The following CPQ variants were observed in gnomAD, a reference collection of about 807,000 sequenced individuals.
CPQ encodes carboxypeptidase Q.
Under a neutral mutation model 45.7 loss-of-function variants are expected in CPQ, and 37 were observed. The observed-to-expected ratio is 0.81, with a 90% confidence interval of 0.62 to 1.07. The LOEUF (loss-of-function observed/expected upper bound fraction) is 1.07, where lower values mean the gene tolerates loss of function less well. Ranked by LOEUF, CPQ falls within the 50% of genes least tolerant of loss-of-function variation. The probability of loss-of-function intolerance (pLI) is 0.00; values close to 1 mark genes in which losing one functional copy is unlikely to be tolerated. For missense variants in CPQ, 537 were observed against 572.9 expected, an observed-to-expected ratio of 0.94 and a Z score of 0.64; for synonymous variants, 186 against 205.8, an observed-to-expected ratio of 0.90 and a Z score of 0.82.
At chr8:96,678,758 C>CTTT (rs71267274) in intron 1 of CPQ, among the ~76,000 whole-genome samples, 66,928 of 114,398 alleles carry the variant, frequency 0.59, 20,653 homozygotes, top group Non-Finnish European at 0.63. Context: ...ATTATTTGGG[C>CTTT]TTTTTTTTTT....
chr8:96,976,979 A>G (rs1481498645), intron 5 of CPQ, among the ~76,000 whole-genome samples: 2 of 152,204 alleles, frequency 1.3e-5, no homozygotes, highest in Admixed American at 6.5e-5. Flanking sequence ...CAAATGCAAC[A>G]AAAACAAAGA....
intron 7 of CPQ, among the ~76,000 whole-genome samples, chr8:97,122,730 C>T (rs1473109218): frequency 6.6e-6 from 1 of 150,956 alleles, no homozygotes; most frequent in African/African-American, 2.4e-5. Flanking sequence ...ACTAAAGATA[C>T]ATAAATTAGC....
rs1382368446 is a variant in CPQ, at chr8:97,123,123, A to T, written c.1256-19897A>T. The stretch of plus-strand genomic sequence containing the variant: ...AATAAATAAAATAAAATAAAATAAA[A>T]TAAATAAAATAAAATAAAATAAAAT... On this transcript the variant is annotated intron_variant, in intron 7 of 7. Coordinates refer to ENST00000220763, the MANE Select transcript of CPQ (RefSeq NM_016134.4). Among the ~76,000 whole-genome samples, 14 of 121,718 alleles carry T rather than the reference A, an allele frequency of 1.2e-4. 1 individual carries two copies. Among genetic ancestry groups the T allele is most frequent in the South Asian group, 4.9e-4 (2 of 4,046 alleles). The allele number at this position is 121,718 out of a possible 152,430, so 79.9% of individuals were successfully genotyped here.
Position 96,662,909 on chromosome 8 carries a change from G to A in CPQ, c.-35+17507G>A, listed in dbSNP as rs1469618959. Among the ~76,000 whole-genome samples the A allele has an allele frequency of 3.9e-5, 6 of 152,250 alleles. No individual in the cohort carries two copies. In the East Asian group the frequency reaches 1.2e-3, roughly 29 times the overall value. ...AGGCTGAGGCGGCAGGATTACCTGA[G>A]CCCTGTAAGGGTGAGGCTGCAGTGA... On this transcript the variant is annotated intron_variant, in intron 1 of 7. Coordinates refer to ENST00000220763, the MANE Select transcript of CPQ (RefSeq NM_016134.4).
chr8:96,815,190 G>T (rs1223686643), intron 2 of CPQ, among the ~76,000 whole-genome samples: 1 of 151,722 alleles, frequency 6.6e-6, no homozygotes, highest in African/African-American at 2.4e-5. Context: ...CCTGAACAAA[G>T]GTATTATAAA....
chr8:96,864,789 C>T (rs531280544), intron 3 of CPQ, among the ~76,000 whole-genome samples: 1 of 151,784 alleles, frequency 6.6e-6, no homozygotes, highest in Non-Finnish European at 1.5e-5. Context: ...AAATAAGCAC[C>T]AATAGCTAAT....
At chr8:96,842,816 T>C (rs1229149843) in intron 3 of CPQ, among the ~76,000 whole-genome samples, 2 of 152,194 alleles carry the variant, frequency 1.3e-5, no homozygotes, top group Non-Finnish European at 2.9e-5. Flanking sequence ...ATGTGCCTCA[T>C]TGGTGCCTCA....
At position 96,785,193 on chromosome 8, in the gene CPQ, G is replaced by C; in HGVS notation, c.296G>C (p.Gly99Ala). The C allele has an allele frequency of 1.2e-6, 2 of 1,613,578 alleles. No homozygotes were observed. Among genetic ancestry groups the C allele is most frequent in the Non-Finnish European group, 1.7e-6 (2 of 1,179,784 alleles). ...ATGTACCAAAACCTGCAGCAAGATG[G>C]GCTGGAGAAAGTTCACCTGGAGCCA... ...QIMYQNLQQD[G>A]LEKVHLEPVR... The change falls in exon 2 of 8, where the codon GGG (glycine) becomes GCG (alanine). Residue 99 changes from glycine (G) to alanine (A), a missense_variant. Gly to Ala is a moderately conservative substitution (Grantham distance 60). Coordinates refer to ENST00000220763, the MANE Select transcript of CPQ (RefSeq NM_016134.4).
intron 1 of CPQ, among the ~76,000 whole-genome samples, chr8:96,660,750 C>T (rs966711374): frequency 3.9e-5 from 6 of 151,930 alleles, no homozygotes; most frequent in Admixed American, 1.3e-4. Context: ...TACCTTTGCT[C>T]ATATTTGTTT....
chr8:96,992,893 A>G (rs1367377414), intron 5 of CPQ, among the ~76,000 whole-genome samples: 3 of 152,136 alleles, frequency 2.0e-5, no homozygotes, highest in Non-Finnish European at 4.4e-5. Flanking sequence ...GTTAACACAA[A>G]TTGGAGGGAG....
chr8:96,802,844 A>C (rs1378980849), intron 2 of CPQ, among the ~76,000 whole-genome samples: 1 of 152,218 alleles, frequency 6.6e-6, no homozygotes, highest in Non-Finnish European at 1.5e-5. Context: ...GTTAGTTGGC[A>C]CTGAACACAA....
Position 96,785,306 on chromosome 8 carries a change from A to C in CPQ, c.409A>C (p.Ser137Arg). ...IHKIAILGLG[S>R]SIGTPPEGIT... is the part of the protein sequence containing the mutation. ...TAAGATAGCCATCCTGGGTCTTGGCAGCAGCATTGGGACTCCTCCAGAAGG... is the reference window on the plus strand; with the variant it reads ...TAAGATAGCCATCCTGGGTCTTGGCCGCAGCATTGGGACTCCTCCAGAAGG... The change falls in exon 2 of 8, where the codon AGC becomes CGC. Residue 137 changes from serine (S) to arginine (R), a missense_variant. By Grantham distance (110) the Ser-to-Arg change is moderately radical (BLOSUM62 -1). Transcript: ENST00000220763. The C allele has an allele frequency of 6.2e-7, 1 of 1,610,334 alleles. No homozygotes were observed. Among genetic ancestry groups the C allele is most frequent in the East Asian group, 2.2e-5 (1 of 44,738 alleles).
intron 6 of CPQ, among the ~76,000 whole-genome samples, chr8:97,030,187 C>T (rs949415043): frequency 2.0e-5 from 3 of 152,172 alleles, no homozygotes; most frequent in African/African-American, 7.2e-5. Flanking sequence ...AAGAGGAACT[C>T]CAAAATCAAC....
chr8:97,106,730 A>T (rs1811412188), intron 7 of CPQ, among the ~76,000 whole-genome samples: 1 of 152,286 alleles, frequency 6.6e-6, no homozygotes, highest in Middle Eastern at 3.4e-3. Context: ...GGCCAGATGG[A>T]TCGCAAGTGA....
intron 4 of CPQ, among the ~76,000 whole-genome samples, chr8:96,910,127 G>C (rs1812637583): frequency 6.6e-6 from 1 of 152,120 alleles, no homozygotes; most frequent in Non-Finnish European, 1.5e-5. Context: ...AAATGAGAGG[G>C]AACAAGTAAA....
intron 4 of CPQ, among the ~76,000 whole-genome samples, chr8:96,964,574 ACT>A (rs915659795): frequency 4.6e-5 from 7 of 151,368 alleles, no homozygotes; most frequent in Admixed American, 4.6e-4. Flanking sequence ...TTACCTTTTC[ACT>A]CTCTTAGTGG....
At chr8:96,917,124 G>A (rs1243448816) in intron 4 of CPQ, among the ~76,000 whole-genome samples, 5 of 151,844 alleles carry the variant, frequency 3.3e-5, no homozygotes, top group Admixed American at 6.6e-5. Context: ...AGACAGACAG[G>A]TACAAAGAAA....
intron 5 of CPQ, among the ~76,000 whole-genome samples, chr8:97,028,890 G>A (rs1254346209): frequency 6.6e-6 from 1 of 152,158 alleles, no homozygotes; most frequent in Non-Finnish European, 1.5e-5. Flanking sequence ...AAGCATAACT[G>A]TTGCATCTGC....
intron 1 of CPQ, among the ~76,000 whole-genome samples, chr8:96,689,899 A>G (rs1809282224): frequency 6.6e-6 from 1 of 151,976 alleles, no homozygotes. Context: ...TTTACATTTT[A>G]TTCTGATCAC....
Sources: gnomAD v4.1 joint callset for allele counts (sites outside exome capture counted in the v4.1 genomes callset) on GRCh38, gnomAD v4.1.1 for gene constraint, MANE v1.5 for transcripts, NCBI Gene and HGNC (gene_info 2026-07-23, HGNC 2026-07-21) for gene names.